Variants in IQSEC1 observed in about 807,000 individuals in gnomAD.
IQSEC1 encodes IQ motif and SEC7 domain-containing protein 1.
A neutral mutation model predicts 91.0 loss-of-function variants in IQSEC1; 31 were observed. That is an observed-to-expected ratio of 0.34 (90% CI 0.26 to 0.46). IQSEC1 has a LOEUF of 0.46. Among genes scored for constraint, IQSEC1 ranks in the 20% least tolerant of loss-of-function variants. The pLI, the probability that IQSEC1 is intolerant of heterozygous loss-of-function variation, is 1.00. For missense variants in IQSEC1, 1,388 were observed against 1,575.6 expected, an observed-to-expected ratio of 0.88 and a Z score of 2.02; for synonymous variants, 699 against 662.6, an observed-to-expected ratio of 1.05 and a Z score of -0.84.
intron 8 of IQSEC1, among the ~76,000 whole-genome samples, chr3:12,913,792 C>T (rs1051921496): frequency 6.6e-6 from 1 of 152,230 alleles, no homozygotes; most frequent in Non-Finnish European, 1.5e-5. Flanking sequence ...TCCTGAAGGA[C>T]TAGGGACGTG....
chr3:13,095,028 C>A (rs906041986), intron 2 of IQSEC1, among the ~76,000 whole-genome samples: 6 of 152,070 alleles, frequency 3.9e-5, no homozygotes, highest in Non-Finnish European at 5.9e-5. Context: ...CACACCTGGG[C>A]AAACGCTATT....
At chr3:13,105,298 C>T (rs1164423917) in intron 2 of IQSEC1, among the ~76,000 whole-genome samples, 1 of 152,114 alleles carries the variant, frequency 6.6e-6, no homozygotes, top group Non-Finnish European at 1.5e-5. Flanking sequence ...CATCTGGTCT[C>T]CTGACCAGGC....
chr3:13,053,522 G>A (rs545804442), intron 1 of IQSEC1, among the ~76,000 whole-genome samples: 23 of 152,216 alleles, frequency 1.5e-4, no homozygotes, highest in Non-Finnish European at 1.9e-4. Flanking sequence ...TTCCTGAGAC[G>A]GAATGGGAGG....
chr3:13,127,623 T>C (rs1706539366), intron 2 of IQSEC1, among the ~76,000 whole-genome samples: 1 of 152,226 alleles, frequency 6.6e-6, no homozygotes, highest in African/African-American at 2.4e-5. Context: ...TTTGCCTTTC[T>C]GGATACATCT....
intron 1 of IQSEC1, among the ~76,000 whole-genome samples, chr3:13,011,272 C>A (rs1011926379): frequency 6.6e-6 from 1 of 152,172 alleles, no homozygotes; most frequent in Admixed American, 6.5e-5. Flanking sequence ...CTGAACCAAA[C>A]CGTTTCCCAT....
At chr3:12,934,286 C>T (rs1697967105) in intron 3 of IQSEC1, among the ~76,000 whole-genome samples, 1 of 152,208 alleles carries the variant, frequency 6.6e-6, no homozygotes, top group African/African-American at 2.4e-5. Context: ...AGCCATTGCC[C>T]CTTACTGGCC....
chr3:13,064,672 A>G (rs1423745857), intron 1 of IQSEC1, among the ~76,000 whole-genome samples: 1 of 152,260 alleles, frequency 6.6e-6, no homozygotes, highest in East Asian at 1.9e-4. Flanking sequence ...CTGCGAGAGC[A>G]GTTGCATTCC....
At chr3:13,174,049 C>T in intron 1 of IQSEC1, among the ~76,000 whole-genome samples, 1 of 152,138 alleles carries the variant, frequency 6.6e-6, no homozygotes, top group East Asian at 1.9e-4. Flanking sequence ...TCCTGCTGTA[C>T]AGAGTCTAAC....
At chr3:13,044,921 G>A (rs1276410514) in intron 1 of IQSEC1, among the ~76,000 whole-genome samples, 2 of 152,244 alleles carry the variant, frequency 1.3e-5, no homozygotes, top group African/African-American at 2.4e-5. Context: ...TGGTAGCAGC[G>A]GGGGCCCTGG....
intron 1 of IQSEC1, among the ~76,000 whole-genome samples, chr3:12,968,714 T>C (rs1002392274): frequency 1.3e-5 from 2 of 152,152 alleles, no homozygotes; most frequent in Admixed American, 6.5e-5. Context: ...CTAGACGTGG[T>C]TGGGAGACAG....
intron 1 of IQSEC1, among the ~76,000 whole-genome samples, chr3:13,068,044 C>T (rs1011906628): frequency 2.6e-5 from 4 of 152,226 alleles, no homozygotes; most frequent in Non-Finnish European, 5.9e-5. Flanking sequence ...AGTATCAGCC[C>T]CACCACATAG....
intron 2 of IQSEC1, among the ~76,000 whole-genome samples, chr3:13,097,462 C>T (rs2125149361): frequency 6.6e-6 from 1 of 152,330 alleles, no homozygotes; most frequent in African/African-American, 2.4e-5. Flanking sequence ...CTCCCAGACC[C>T]TGGCCATGCT....
At chr3:13,073,464 C>T (rs973670503), upstream of IQSEC1, among the ~76,000 whole-genome samples, 1 of 152,156 alleles carries the variant, frequency 6.6e-6, no homozygotes, top group Non-Finnish European at 1.5e-5. Flanking sequence ...CCTCCCCCAC[C>T]CCCCGCGCCC....
intron 1 of IQSEC1, chr3:13,053,111 G>C: frequency 1.1e-6 from 1 of 891,840 alleles, no homozygotes; most frequent in Non-Finnish European, 1.9e-6. Context: ...TGAAAGTCTT[G>C]TGAGAAGACA....
rs150112759 is a variant in IQSEC1 at position 13,122,369 on chromosome 3, C to A, written c.302+41735G>T. ...CCCGAGTGCCCCTTGAGGACTTTGTCTTTGACTGAGTGAGGAGGGAGCCAC... is the reference window on the plus strand; with the variant it reads ...CCCGAGTGCCCCTTGAGGACTTTGTATTTGACTGAGTGAGGAGGGAGCCAC... On this transcript the variant is annotated intron_variant, in intron 2 of 15. Transcript: ENST00000648114. Among the ~76,000 whole-genome samples, 17 of 152,350 alleles carry A rather than the reference C, an allele frequency of 1.1e-4. No homozygotes were observed. In the East Asian group the frequency reaches 3.1e-3, roughly 28 times the overall value.
chr3:13,102,715 T>A (rs775286990), intron 2 of IQSEC1, among the ~76,000 whole-genome samples: 9 of 152,144 alleles, frequency 5.9e-5, no homozygotes, highest in Non-Finnish European at 1.2e-4. Context: ...GGCCTTTGCA[T>A]GTGCAGCCTT....
At chr3:13,001,339 T>C (rs1036382171) in intron 1 of IQSEC1, among the ~76,000 whole-genome samples, 2 of 152,198 alleles carry the variant, frequency 1.3e-5, no homozygotes, top group African/African-American at 2.4e-5. Flanking sequence ...GTTGGACATT[T>C]CATGTTCCCT....
chr3:13,207,939 C>A lies in IQSEC1; in HGVS notation c.273-43806G>T, dbSNP rs559449373. On this transcript the variant is annotated intron_variant, in intron 1 of 15. Coordinates refer to the IQSEC1 transcript ENST00000648114. This position sits in a 1 kb window ranked among gnomAD's most constrained non-coding sequence, Gnocchi z 4.8. ...AGAGCACAGCTTTGTCACTACAGAACCCCCAGCATGGCACATAGCAGTTGC... is the reference window on the plus strand; with the variant it reads ...AGAGCACAGCTTTGTCACTACAGAAACCCCAGCATGGCACATAGCAGTTGC... Among the ~76,000 whole-genome samples, 1 of 152,266 alleles carries A rather than the reference C, an allele frequency of 6.6e-6. No homozygotes were observed. The highest frequency in any genetic ancestry group is 2.1e-4 in the South Asian group (1 of 4,822).
intron 1 of IQSEC1, 127 bp from the exon 2 acceptor site, chr3:12,941,992 G>T: frequency 2.3e-6 from 2 of 859,590 alleles, no homozygotes; most frequent in Non-Finnish European, 3.5e-6. Flanking sequence ...ACACCCCATG[G>T]CTGAGTCCAC....
Sources: gnomAD v4.1 joint callset for allele counts (sites outside exome capture counted in the v4.1 genomes callset) on GRCh38, gnomAD v4.1.1 for gene constraint, Gnocchi (gnomAD v3.1) non-coding constraint, MANE v1.5 for transcripts, NCBI Gene and HGNC (gene_info 2026-07-23, HGNC 2026-07-21) for gene names.